Variants in SNX29 observed in about 807,000 individuals in gnomAD.
The protein encoded by SNX29 is sorting nexin 29.
Under a neutral mutation model 102.1 loss-of-function variants are expected in SNX29, and 78 were observed. The observed-to-expected ratio is 0.76, with a 90% CI of 0.64 to 0.92. The LOEUF is 0.92. Among genes scored for constraint, SNX29 ranks in the 40% least tolerant of loss-of-function variants. The probability of loss-of-function intolerance (pLI) is 0.00; values close to 1 mark genes in which losing one functional copy is unlikely to be tolerated. For synonymous variants in SNX29, 580 were observed against 414.5 expected (o/e 1.40, Z -4.85); for missense variants, 1,280 against 1,061.7 (o/e 1.21, Z -2.86).
At chr16:12,204,074 C>T (rs563184376) in intron 14 of SNX29, among the ~76,000 whole-genome samples, 4 of 152,298 alleles carry the variant, frequency 2.6e-5, no homozygotes, top group African/African-American at 9.6e-5. Context: ...GGCTGGGAGA[C>T]TGGGGCCGCT....
intron 16 of SNX29, among the ~76,000 whole-genome samples, chr16:12,389,759 G>T (rs982169278): frequency 2.0e-5 from 3 of 152,142 alleles, no homozygotes; most frequent in African/African-American, 7.2e-5. Context: ...TCTGGCCAAT[G>T]AGCCTTGAAA....
chr16:12,419,149 C>T (rs913114598), intron 18 of SNX29, among the ~76,000 whole-genome samples: 1 of 152,220 alleles, frequency 6.6e-6, no homozygotes, highest in African/African-American at 2.4e-5. Context: ...TGTTTAGTTC[C>T]GATGTTTCTC....
At chr16:12,542,286 A>C (rs567839008) in intron 20 of SNX29, among the ~76,000 whole-genome samples, 1 of 152,180 alleles carries the variant, frequency 6.6e-6, no homozygotes, top group Non-Finnish European at 1.5e-5. Flanking sequence ...AAATGGAGGA[A>C]CTTGCCCAAG....
chr16:12,139,153 G>A (rs575387536), intron 13 of SNX29, among the ~76,000 whole-genome samples: 3 of 142,196 alleles, frequency 2.1e-5, no homozygotes, highest in Non-Finnish European at 3.0e-5. Context: ...AGCTGAGATC[G>A]GCCACTGTAC....
At chr16:12,432,491 T>C (rs1295271106) in intron 18 of SNX29, among the ~76,000 whole-genome samples, 1 of 152,152 alleles carries the variant, frequency 6.6e-6, no homozygotes, top group Non-Finnish European at 1.5e-5. Context: ...AAAGGTGGCC[T>C]GGGCTGGTGG....
intron 19 of SNX29, among the ~76,000 whole-genome samples, chr16:12,523,709 C>T (rs1000316179): frequency 5.3e-5 from 8 of 152,158 alleles, no homozygotes; most frequent in Admixed American, 2.0e-4. Context: ...CAACCAGACA[C>T]AGGGGTGGGG....
At chr16:12,042,873 G>A in intron 4 of SNX29, 24 bp from the exon 5 acceptor site, 1 of 1,584,682 alleles carries the variant, frequency 6.3e-7, no homozygotes, top group Non-Finnish European at 8.6e-7. Flanking sequence ...CCGAGTGCCA[G>A]GCGCCTGTGC....
intron 18 of SNX29, among the ~76,000 whole-genome samples, chr16:12,468,969 G>A (rs989874526): frequency 2.4e-4 from 37 of 152,372 alleles, no homozygotes; most frequent in African/African-American, 8.4e-4. Flanking sequence ...AGTAGAGCAT[G>A]GGCTGAAATG....
intron 11 of SNX29, chr16:12,088,322 G>T (rs71385189): frequency 0.21 from 75,152 of 356,628 alleles, 8,213 homozygotes; most frequent in Admixed American, 0.27. Flanking sequence ...CTAGGGGGAG[G>T]TGCCACGTTG....
rs1173200724 is a variant in SNX29 at position 12,303,134 on chromosome 16, G to T, written c.1782+25098G>T. ...TTTACCGTGAAGCTGTCTGTCTGTT[G>T]CAGGCTGTAGACTGGCAGTCGATAG... On this transcript the variant is annotated intron_variant, in intron 15 of 20. Coordinates refer to ENST00000566228, the MANE Select transcript of SNX29 (RefSeq NM_032167.5). Among the ~76,000 whole-genome samples the T allele has an allele frequency of 2.6e-5, 4 of 152,180 alleles. No individual in the cohort carries two copies. The East Asian group carries it at 5.8e-4, about 22-fold the overall frequency.
chr16:12,536,933 A>AGCACT (rs2077102665), intron 20 of SNX29, among the ~76,000 whole-genome samples: 1 of 152,274 alleles, frequency 6.6e-6, no homozygotes, highest in East Asian at 1.9e-4. Flanking sequence ...CCGAGATCAC[A>AGCACT]GCACTGCACT....
chr16:11,997,707 G>C (rs2056135072), intron 1 of SNX29, among the ~76,000 whole-genome samples: 1 of 152,056 alleles, frequency 6.6e-6, no homozygotes, highest in Non-Finnish European at 1.5e-5. Context: ...TCAAACTCCT[G>C]ATGTCAAGCA....
intron 15 of SNX29, among the ~76,000 whole-genome samples, chr16:12,282,497 A>G (rs1424686132): frequency 1.3e-5 from 2 of 152,186 alleles, no homozygotes; most frequent in South Asian, 2.1e-4. Context: ...TCATTGCCCA[A>G]CCCATCTCCA....
chr16:12,209,573 C>T (rs2077130181), intron 14 of SNX29, among the ~76,000 whole-genome samples: 1 of 152,150 alleles, frequency 6.6e-6, no homozygotes, highest in Non-Finnish European at 1.5e-5. Context: ...GGACCAGATC[C>T]TGGTGGGGCT....
intron 15 of SNX29, among the ~76,000 whole-genome samples, chr16:12,351,580 T>A (rs1165917890): frequency 6.6e-6 from 1 of 152,148 alleles, no homozygotes; most frequent in Non-Finnish European, 1.5e-5. Context: ...GCCAGAGGCG[T>A]TTTTGAAAAA....
chr16:12,248,605 G>A (rs2078330945), intron 14 of SNX29, among the ~76,000 whole-genome samples: 1 of 151,872 alleles, frequency 6.6e-6, no homozygotes, highest in South Asian at 2.1e-4. Flanking sequence ...TAGTGGCGAG[G>A]GGGTCTCGCC....
At chr16:12,531,045 T>G (rs2076918646) in intron 20 of SNX29, among the ~76,000 whole-genome samples, 1 of 152,234 alleles carries the variant, frequency 6.6e-6, no homozygotes, top group African/African-American at 2.4e-5. Flanking sequence ...AGCTACAGGC[T>G]TGATGTGTAG....
At chr16:12,546,454 A>G (rs148035901) in intron 20 of SNX29, 1 of 152,304 alleles carries the variant, frequency 6.6e-6, no homozygotes, top group Non-Finnish European at 1.5e-5. Flanking sequence ...ACTCTTCCTT[A>G]TGAAACCATC....
chr16:12,075,900 C>T (rs972838903), intron 10 of SNX29, among the ~76,000 whole-genome samples: 1 of 152,224 alleles, frequency 6.6e-6, no homozygotes, highest in Non-Finnish European at 1.5e-5. Flanking sequence ...CTCGCTGCCG[C>T]CTTGCAGTTT....
Sources: allele counts gnomAD v4.1 joint callset (sites outside exome capture counted in the v4.1 genomes callset), GRCh38; gene constraint gnomAD v4.1.1; transcripts MANE v1.5; gene names NCBI Gene and HGNC (gene_info 2026-07-23, HGNC 2026-07-21).